GRIA1: variants seen among roughly 807,000 people sequenced by gnomAD.
GRIA1 encodes glutamate ionotropic receptor AMPA type subunit 1.
Under a neutral mutation model 99.2 loss-of-function variants are expected in GRIA1, and 31 were observed. That is an observed-to-expected ratio of 0.31 (90% CI 0.23 to 0.42). The LOEUF (loss-of-function observed/expected upper bound fraction) is 0.42, where lower values mean the gene tolerates loss of function less well. Among genes scored for constraint, GRIA1 ranks in the 10% least tolerant of loss-of-function variants. The probability of loss-of-function intolerance (pLI) is 1.00; values close to 1 mark genes in which losing one functional copy is unlikely to be tolerated. For missense variants in GRIA1, 782 were observed against 1,157.5 expected (o/e 0.68, Z 4.71); for synonymous variants, 438 against 432.4 (o/e 1.01, Z -0.16).
At chr5:153,561,477 G>T (rs1414158451) in intron 2 of GRIA1, among the ~76,000 whole-genome samples, 1 of 152,152 alleles carries the variant, frequency 6.6e-6, no homozygotes, top group African/African-American at 2.4e-5. Flanking sequence ...CTTGGCAAGG[G>T]TCAGGAAGCT....
chr5:153,564,832 C>T (rs572453949), intron 2 of GRIA1, among the ~76,000 whole-genome samples: 8 of 152,184 alleles, frequency 5.3e-5, no homozygotes, highest in Non-Finnish European at 1.2e-4. Context: ...TCTGTAGCCT[C>T]CTCTCCTTGT....
chr5:153,553,924 T>G (rs1344719937), intron 2 of GRIA1, among the ~76,000 whole-genome samples: 3 of 152,194 alleles, frequency 2.0e-5, no homozygotes, highest in Non-Finnish European at 4.4e-5. Flanking sequence ...CCTGTCCTGC[T>G]CGTGTCTGAC....
chr5:153,652,135 AC>A (rs1173396355), intron 4 of GRIA1, among the ~76,000 whole-genome samples: 2 of 152,184 alleles, frequency 1.3e-5, no homozygotes, highest in African/African-American at 2.4e-5. Context: ...GCCTACTAGG[AC>A]CAGCTTCTTG....
At chr5:153,580,707 G>A (rs1264849648) in intron 2 of GRIA1, among the ~76,000 whole-genome samples, 2 of 152,138 alleles carry the variant, frequency 1.3e-5, no homozygotes. Flanking sequence ...GCCAGTTTCT[G>A]GGGGGTCAGC....
intron 11 of GRIA1, among the ~76,000 whole-genome samples, chr5:153,758,483 G>A (rs1274529953): frequency 6.6e-6 from 1 of 151,612 alleles, no homozygotes; most frequent in African/African-American, 2.4e-5. Context: ...ATTATATAAC[G>A]GTAAAGGAGT....
intron 11 of GRIA1, among the ~76,000 whole-genome samples, chr5:153,756,486 G>A (rs1262643802): frequency 6.6e-6 from 1 of 152,212 alleles, no homozygotes; most frequent in East Asian, 1.9e-4. Flanking sequence ...ACTGTAGGCA[G>A]GGTTGCCAAC....
At chr5:153,802,897 G>A (rs1766149793) in intron 15 of GRIA1, among the ~76,000 whole-genome samples, 2 of 152,124 alleles carry the variant, frequency 1.3e-5, no homozygotes, top group African/African-American at 2.4e-5. Context: ...GTCATACCTG[G>A]TGAATTGGGT....
At chr5:153,663,761 G>A (rs1447929413) in intron 5 of GRIA1, among the ~76,000 whole-genome samples, 1 of 152,186 alleles carries the variant, frequency 6.6e-6, no homozygotes, top group African/African-American at 2.4e-5. Flanking sequence ...GTGTGATTTA[G>A]GGTTCTAGTT....
chr5:153,621,282 C>G (rs17592741), intron 2 of GRIA1, among the ~76,000 whole-genome samples: 3,007 of 152,078 alleles, frequency 0.02, 49 homozygotes, highest in Non-Finnish European at 0.028. Context: ...TGTTATAACT[C>G]AAAACATCAG....
chr5:153,669,504 C>T (rs973753761), intron 5 of GRIA1, among the ~76,000 whole-genome samples: 2 of 152,168 alleles, frequency 1.3e-5, no homozygotes, highest in African/African-American at 4.8e-5. Flanking sequence ...AATGCAACAA[C>T]TTCTCTCCCC....
chr5:153,617,531 T>C (rs1381495799), intron 2 of GRIA1, among the ~76,000 whole-genome samples: 1 of 152,208 alleles, frequency 6.6e-6, no homozygotes, highest in African/African-American at 2.4e-5. Flanking sequence ...TTGTACAGCT[T>C]GAGTAGAATT....
At chr5:153,643,104 A>ACTC (rs1243501049) in intron 2 of GRIA1, among the ~76,000 whole-genome samples, 9 of 152,172 alleles carry the variant, frequency 5.9e-5, no homozygotes, top group Admixed American at 5.9e-4. Flanking sequence ...GAATCCAAGA[A>ACTC]CTCAGAGACT....
chr5:153,656,617 A>C (rs1754983505), intron 5 of GRIA1, among the ~76,000 whole-genome samples: 1 of 151,838 alleles, frequency 6.6e-6, no homozygotes, highest in African/African-American at 2.4e-5. Context: ...TTTGTCATGA[A>C]GTTTAATTCT....
intron 10 of GRIA1, among the ~76,000 whole-genome samples, chr5:153,700,214 A>G (rs1337947087): frequency 6.6e-6 from 1 of 152,060 alleles, no homozygotes; most frequent in Non-Finnish European, 1.5e-5. Flanking sequence ...GTGAAACCCC[A>G]TCTCTACCAA....
At chr5:153,624,463 AC>A (rs1340004543) in intron 2 of GRIA1, among the ~76,000 whole-genome samples, 1 of 152,148 alleles carries the variant, frequency 6.6e-6, no homozygotes, top group Non-Finnish European at 1.5e-5. Context: ...CCAGTTTCTC[AC>A]TGATCCTCCT....
chr5:153,575,197 A>AAGAGAGAGAGAGAGAG (rs3064338), intron 2 of GRIA1, among the ~76,000 whole-genome samples: 18 of 147,768 alleles, frequency 1.2e-4, no homozygotes, highest in African/African-American at 3.0e-4. Context: ...TCAAGAGAGA[A>AAGAGAGAGAGAGAGAG]AGAGAGAGAG....
chr5:153,587,712 G>A (rs981011825), intron 2 of GRIA1, among the ~76,000 whole-genome samples: 5 of 152,048 alleles, frequency 3.3e-5, no homozygotes, highest in Non-Finnish European at 7.3e-5. Flanking sequence ...TTCAACATAC[G>A]CTGAGTTGTT....
chr5:153,613,609 CTAT>C (rs1252917743), intron 2 of GRIA1, among the ~76,000 whole-genome samples: 1 of 151,888 alleles, frequency 6.6e-6, no homozygotes, highest in African/African-American at 2.4e-5. Flanking sequence ...CCTTTATAGT[CTAT>C]TAAGTTGGTG....
intron 2 of GRIA1, among the ~76,000 whole-genome samples, chr5:153,565,272 G>T (rs1449538824): frequency 6.6e-6 from 1 of 152,060 alleles, no homozygotes; most frequent in Non-Finnish European, 1.5e-5. Context: ...ACATATCTGT[G>T]AGACTTACCT....
Sources: gnomAD v4.1 joint callset for allele counts (sites outside exome capture counted in the v4.1 genomes callset) on GRCh38, gnomAD v4.1.1 for gene constraint, MANE v1.5 for transcripts, NCBI Gene and HGNC (gene_info 2026-07-23, HGNC 2026-07-21) for gene names.